The following MEGF11 variants were observed in gnomAD, a reference collection of about 807,000 sequenced individuals.
MEGF11 encodes the protein multiple EGF like domains 11, also known as multiple epidermal growth factor-like domains protein 11.
In MEGF11, 126 loss-of-function variants were observed where a neutral mutation model predicts 146.6. The ratio of observed to expected loss-of-function variants is 0.86; its 90% CI spans 0.74 to 1.00. The LOEUF (loss-of-function observed/expected upper bound fraction) is 1.00. MEGF11 is among the 50% of genes least tolerant of loss of function. The pLI is 0.00. For missense variants in MEGF11, 1,509 were observed against 1,521.2 expected (o/e 0.99, Z 0.13); for synonymous variants, 532 against 583.4 (o/e 0.91, Z 1.27).
intron 4 of MEGF11, among the ~76,000 whole-genome samples, chr15:66,112,428 A>G (rs2087476660): frequency 6.6e-6 from 1 of 152,186 alleles, no homozygotes; most frequent in Non-Finnish European, 1.5e-5. Flanking sequence ...TCTAAGGAAA[A>G]TGTCCAAGGT....
chr15:65,970,005 G>A (rs988302020), intron 8 of MEGF11, among the ~76,000 whole-genome samples: 1 of 152,060 alleles, frequency 6.6e-6, no homozygotes, highest in African/African-American at 2.4e-5. Flanking sequence ...TGTGGCACAT[G>A]TGCACACATG....
chr15:66,143,456 C>T (rs184908705), intron 1 of MEGF11, among the ~76,000 whole-genome samples: 68 of 152,322 alleles, frequency 4.5e-4, no homozygotes, highest in Non-Finnish European at 9.4e-4. Context: ...TCACCAAGCC[C>T]CTGTCCCATG....
chr15:66,144,147 G>A (rs1264691306), intron 1 of MEGF11, among the ~76,000 whole-genome samples: 3 of 152,156 alleles, frequency 2.0e-5, no homozygotes, highest in African/African-American at 4.8e-5. Flanking sequence ...CCCTGGCTGC[G>A]CATTAGAATG....
At chr15:66,231,899 C>A (rs1247102056) in intron 1 of MEGF11, among the ~76,000 whole-genome samples, 1 of 152,248 alleles carries the variant, frequency 6.6e-6, no homozygotes, top group African/African-American at 2.4e-5. Flanking sequence ...AAGCCCTTAC[C>A]GTGTGCTAGG....
chr15:66,233,236 T>C (rs2092006881), intron 1 of MEGF11, among the ~76,000 whole-genome samples: 1 of 152,154 alleles, frequency 6.6e-6, no homozygotes, highest in Admixed American at 6.5e-5. Context: ...AATCCTATTA[T>C]TATTATTTTG....
At chr15:65,938,348 T>A (rs2079860817) in intron 10 of MEGF11, among the ~76,000 whole-genome samples, 1 of 152,226 alleles carries the variant, frequency 6.6e-6, no homozygotes, top group Admixed American at 6.5e-5. Flanking sequence ...GCTAACAGCC[T>A]AAATGTGGGA....
rs112836156 is a variant in MEGF11, at chr15:66,060,505, G to T, written c.394+33897C>A. Among the ~76,000 whole-genome samples, 605 of 152,356 alleles carry T rather than the reference G, an allele frequency of 4.0e-3. 8 individuals carry two copies. Among genetic ancestry groups the T allele is most frequent in the African/African-American group, 0.013 (527 of 41,576 alleles). On this transcript the variant is annotated intron_variant, in intron 5 of 25. Coordinates refer to ENST00000395614, the MANE Select transcript of MEGF11 (RefSeq NM_001385028.1). ...CTTTGCGCAGAAGCCTCCGAGGGAT[G>T]TAGCCTTCTCCTCTCTGCAGTACCT... is the stretch of plus-strand genomic sequence containing the variant.
chr15:66,222,656 C>A lies in MEGF11; in HGVS notation c.-9+30949G>T, dbSNP rs75843671. On this transcript the variant is annotated intron_variant, in intron 1 of 25. Transcript: ENST00000395614. ...CGCTCATTCATTCATCTTCTTAGGA[C>A]CTAAGTTTAAAATGAGCAAAGGATC... Among the ~76,000 whole-genome samples the A allele has an allele frequency of 1.8e-3, 272 of 152,228 alleles. 5 individuals are homozygous for A. In the East Asian group the frequency reaches 0.042, roughly 24 times the overall value.
At chr15:65,990,102 T>C (rs1291224185) in intron 5 of MEGF11, among the ~76,000 whole-genome samples, 1 of 152,110 alleles carries the variant, frequency 6.6e-6, no homozygotes, top group Admixed American at 6.5e-5. Context: ...TCCCAGCTAC[T>C]TGGGAGGCTG....
intron 7 of MEGF11, among the ~76,000 whole-genome samples, chr15:65,974,903 T>C (rs2081401793): frequency 6.6e-6 from 1 of 151,932 alleles, no homozygotes; most frequent in Non-Finnish European, 1.5e-5. Context: ...TGGAGTGCAA[T>C]GATGTGATCT....
At chr15:65,943,664 A>G (rs2080086870) in intron 10 of MEGF11, among the ~76,000 whole-genome samples, 2 of 152,070 alleles carry the variant, frequency 1.3e-5, no homozygotes, top group Non-Finnish European at 2.9e-5. Context: ...TCCATGTAGT[A>G]TGTGAGTTTG....
intron 1 of MEGF11, among the ~76,000 whole-genome samples, chr15:66,218,388 C>T (rs2091640680): frequency 6.6e-6 from 1 of 152,136 alleles, no homozygotes; most frequent in African/African-American, 2.4e-5. Flanking sequence ...AACCAGGGCT[C>T]CCCAACAAGA....
At chr15:66,186,623 C>T (rs1472636969) in intron 1 of MEGF11, among the ~76,000 whole-genome samples, 1 of 152,210 alleles carries the variant, frequency 6.6e-6, no homozygotes, top group Non-Finnish European at 1.5e-5. Flanking sequence ...CGGGCTGTGT[C>T]CATCACCGAG....
At chr15:66,108,890 G>T (rs1239965925) in intron 4 of MEGF11, among the ~76,000 whole-genome samples, 1 of 152,228 alleles carries the variant, frequency 6.6e-6, no homozygotes, top group African/African-American at 2.4e-5. Context: ...GCTTCAGCTG[G>T]CCCAGGAAAA....
chr15:65,964,886 C>T, intron 9 of MEGF11, 22 bp downstream of exon 9: 1 of 1,459,454 alleles, frequency 6.9e-7, no homozygotes, highest in Non-Finnish European at 9.1e-7. Context: ...TTGTCCCGGG[C>T]TCGCCCATTC....
chr15:66,017,708 C>G (rs925760835), intron 5 of MEGF11, among the ~76,000 whole-genome samples: 1 of 152,208 alleles, frequency 6.6e-6, no homozygotes. Flanking sequence ...AGCCCAGAGG[C>G]TATTTGCTGA....
intron 1 of MEGF11, among the ~76,000 whole-genome samples, chr15:66,209,851 T>C (rs1355516124): frequency 1.3e-5 from 2 of 151,888 alleles, no homozygotes; most frequent in Non-Finnish European, 2.9e-5. Flanking sequence ...TTTCCTCTCT[T>C]CTCATTGCTG....
intron 5 of MEGF11, among the ~76,000 whole-genome samples, chr15:65,996,276 A>G (rs2082195275): frequency 6.6e-6 from 1 of 152,140 alleles, no homozygotes; most frequent in East Asian, 1.9e-4. Context: ...GGGAAAGCAA[A>G]TTGTGGGGTG....
intron 13 of MEGF11, among the ~76,000 whole-genome samples, chr15:65,924,336 C>G (rs372736228): frequency 4.6e-5 from 4 of 87,248 alleles, no homozygotes; most frequent in Non-Finnish European, 8.5e-5. Flanking sequence ...ATGCCACTCT[C>G]TGGGAAATGG....
Sources: allele counts gnomAD v4.1 joint callset (sites outside exome capture counted in the v4.1 genomes callset), GRCh38; gene constraint gnomAD v4.1.1; transcripts MANE v1.5; gene names NCBI Gene and HGNC (gene_info 2026-07-23, HGNC 2026-07-21).